DSE: variants seen among roughly 807,000 people sequenced by gnomAD.
The protein encoded by DSE is dermatan-sulfate epimerase.
In DSE, 36 loss-of-function variants were observed where a neutral mutation model predicts 84.4. That is an observed-to-expected ratio of 0.43 (90% CI 0.33 to 0.56). The LOEUF (loss-of-function observed/expected upper bound fraction) is 0.56. Among genes scored for constraint, DSE ranks in the 20% least tolerant of loss-of-function variants. The pLI is 0.06. For missense variants in DSE, 862 were observed against 1,169.6 expected, an observed-to-expected ratio of 0.74 and a Z score of 3.84; for synonymous variants, 410 against 430.1, an observed-to-expected ratio of 0.95 and a Z score of 0.58.
intron 2 of DSE, among the ~76,000 whole-genome samples, chr6:116,330,638 C>T (rs1038128350): frequency 6.6e-6 from 1 of 152,140 alleles, no homozygotes; most frequent in East Asian, 1.9e-4. Flanking sequence ...ACAAAAAATA[C>T]AACTGCATAA....
intron 1 of DSE, among the ~76,000 whole-genome samples, chr6:116,381,071 A>G (rs1780192850): frequency 6.6e-6 from 1 of 152,166 alleles, no homozygotes; most frequent in Non-Finnish European, 1.5e-5. Flanking sequence ...AGATGATATA[A>G]GCACCTTCAT....
At chr6:116,321,822 C>T (rs4946156) in intron 2 of DSE, among the ~76,000 whole-genome samples, 35,964 of 152,032 alleles carry the variant, frequency 0.24, 5,465 homozygotes, top group East Asian at 0.64. Context: ...GTAGTGTCTG[C>T]CTTCTCCCCT....
In DSE at chr6:116,437,487, G is replaced by A; in HGVS notation, c.*142G>A. On this transcript the variant is annotated 3_prime_UTR_variant, in exon 6 of 6. Transcript: ENST00000644252. ...AGGGAAGATATTTTGACACAAGAAA[G>A]CAGGAACGTGGAGAAATTGGAGCAG... The A allele has an allele frequency of 1.3e-6, 1 of 762,614 alleles. No individual in the cohort carries two copies. Among genetic ancestry groups the A allele is most frequent in the South Asian group, 2.1e-5 (1 of 46,538 alleles). 47.2% of individuals were successfully genotyped at this position (762,614 alleles called of 1,614,324 possible). A position where few individuals can be genotyped will look rare whatever the true frequency, so the allele number is the denominator to read the frequency against.
In DSE at chr6:116,438,138, A is replaced by T. The variant is rs757021401; in HGVS notation, c.*793A>T. ...AGACCCAATAACAACTAAACCTTTC[A>T]AAAGAAAATATTTTCTATTATGAAT... On this transcript the variant is annotated 3_prime_UTR_variant, in exon 6 of 6. Coordinates refer to ENST00000644252, the MANE Select transcript of DSE (RefSeq NM_013352.4). 6.6e-6 allele frequency: 1 copy of T among 152,532 alleles called. No homozygotes were observed. The highest frequency in any genetic ancestry group is 1.5e-5 in the Non-Finnish European group (1 of 67,988). 9.4% of individuals were successfully genotyped at this position (152,532 alleles called of 1,614,324 possible). A position where few individuals can be genotyped will look rare whatever the true frequency, so the allele number is the denominator to read the frequency against.
upstream of DSE, chr6:116,369,845 A>G (rs933977685): frequency 1.0e-5 from 12 of 1,189,904 alleles, no homozygotes; most frequent in African/African-American, 1.9e-4. Flanking sequence ...CTCTGAGGAT[A>G]GAGGAATTGG....
At chr6:116,266,662 G>A (rs958777313) in intron 2 of DSE, among the ~76,000 whole-genome samples, 3 of 152,066 alleles carry the variant, frequency 2.0e-5, no homozygotes, top group African/African-American at 7.2e-5. Context: ...AAAATCAAAA[G>A]GTCTTTCAAT....
In DSE at chr6:116,435,870, A is replaced by G; in HGVS notation, c.1402A>G (p.Ile468Val). 3 of 1,614,160 alleles carry G rather than the reference A, an allele frequency of 1.9e-6. No homozygotes were observed. The highest frequency in any genetic ancestry group is 2.5e-6 in the Non-Finnish European group (3 of 1,180,018). ...FTFAPNGVPF[I>V]TEALYGPKYT... ...TTTTGCTCCCAATGGTGTGCCTTTCATTACTGAGGCTCTGTACGGGCCAAA... is the reference window on the plus strand; with the variant it reads ...TTTTGCTCCCAATGGTGTGCCTTTCGTTACTGAGGCTCTGTACGGGCCAAA... The change falls in exon 6 of 6, where the codon ATT (isoleucine) becomes GTT (valine). Residue 468 changes from isoleucine (I) to valine (V), a missense_variant. This residue lies in a region of DSE where 186 missense variants were observed against 255.1 expected (regional missense o/e 0.73). Coordinates refer to ENST00000644252, the MANE Select transcript of DSE (RefSeq NM_013352.4).
At chr6:116,299,553 CACAT>C (rs5879373) in intron 2 of DSE, among the ~76,000 whole-genome samples, 8,462 of 39,442 alleles carry the variant, frequency 0.21, 715 homozygotes, top group East Asian at 0.32. Context: ...TATATATATA[CACAT>C]ACACACACAC....
intron 2 of DSE, among the ~76,000 whole-genome samples, chr6:116,291,703 T>C (rs1054317605): frequency 6.6e-6 from 1 of 151,804 alleles, no homozygotes; most frequent in Non-Finnish European, 1.5e-5. Flanking sequence ...ATATGGAAAA[T>C]GATGTGAAGG....
At chr6:116,375,432 AG>A in intron 1 of DSE, 1 of 553,752 alleles carries the variant, frequency 1.8e-6, no homozygotes. Context: ...TGAGCCCAGG[AG>A]TTCGAGGCTG....
chr6:116,382,135 A>G (rs886793197), intron 1 of DSE, among the ~76,000 whole-genome samples: 1 of 151,536 alleles, frequency 6.6e-6, no homozygotes, highest in Non-Finnish European at 1.5e-5. Context: ...GCCCTATTCC[A>G]ATATGACCTC....
intron 2 of DSE, among the ~76,000 whole-genome samples, chr6:116,346,489 C>T (rs966324847): frequency 1.3e-5 from 2 of 152,106 alleles, no homozygotes; most frequent in Non-Finnish European, 2.9e-5. Flanking sequence ...AAACGTAATC[C>T]AGCATATAAA....
intron 2 of DSE, among the ~76,000 whole-genome samples, chr6:116,403,632 C>T (rs1314766673): frequency 6.6e-6 from 1 of 152,014 alleles, no homozygotes; most frequent in Non-Finnish European, 1.5e-5. Flanking sequence ...CATGAGTGGG[C>T]CACAGGTGGA....
chr6:116,401,753 C>T (rs1444195008), intron 2 of DSE, among the ~76,000 whole-genome samples: 2 of 152,006 alleles, frequency 1.3e-5, no homozygotes, highest in African/African-American at 4.8e-5. Context: ...GTTCAACTAC[C>T]TCTGTTTCAA....
chr6:116,433,867 G>T (rs1405475733), intron 5 of DSE, among the ~76,000 whole-genome samples: 1 of 152,036 alleles, frequency 6.6e-6, no homozygotes. Context: ...ACTGTTTTCA[G>T]TTTTTGGTTC....
At chr6:116,282,111 G>C (rs1773580374) in intron 2 of DSE, among the ~76,000 whole-genome samples, 2 of 152,150 alleles carry the variant, frequency 1.3e-5, no homozygotes, top group Admixed American at 6.5e-5. Flanking sequence ...TCTCCTTTCT[G>C]AAAAAGTCAA....
chr6:116,423,575 T>C (rs1472589229), intron 2 of DSE, among the ~76,000 whole-genome samples: 4 of 152,228 alleles, frequency 2.6e-5, no homozygotes, highest in Non-Finnish European at 5.9e-5. Context: ...AATTCATAAA[T>C]TAATGTCTGT....
chr6:116,354,953 A>G (rs1447754936), intron 2 of DSE, among the ~76,000 whole-genome samples: 3 of 152,196 alleles, frequency 2.0e-5, no homozygotes, highest in African/African-American at 7.2e-5. Context: ...CAAATTTGAC[A>G]CTGGTGTCAA....
chr6:116,351,846 G>A (rs1216753403), intron 2 of DSE, among the ~76,000 whole-genome samples: 1 of 152,112 alleles, frequency 6.6e-6, no homozygotes, highest in Non-Finnish European at 1.5e-5. Context: ...AAAGCTCCCT[G>A]GTGAACTATG....
Sources: allele counts gnomAD v4.1 joint callset (sites outside exome capture counted in the v4.1 genomes callset), GRCh38; gene constraint gnomAD v4.1.1; regional missense constraint gnomAD v4.1.1; transcripts MANE v1.5; gene names NCBI Gene and HGNC (gene_info 2026-07-23, HGNC 2026-07-21).